The following LRMDA variants were observed in gnomAD, a reference collection of about 807,000 sequenced individuals.
LRMDA encodes leucine-rich melanocyte differentiation-associated protein.
LRMDA carries 18 observed loss-of-function variants against 29.8 expected under a neutral mutation model. That is an observed-to-expected ratio of 0.60 (90% CI 0.42 to 0.90). The LOEUF (loss-of-function observed/expected upper bound fraction) is 0.90. Ranked by LOEUF, LRMDA falls within the 40% of genes least tolerant of loss-of-function variation. LRMDA has a pLI of 0.00. For synonymous variants in LRMDA, 125 were observed against 109.4 expected, an observed-to-expected ratio of 1.14 and a Z score of -0.89; for missense variants, 273 against 273.9, an observed-to-expected ratio of 1.00 and a Z score of 0.02.
intron 2 of LRMDA, among the ~76,000 whole-genome samples, chr10:75,532,065 A>G (rs1441902671): frequency 1.3e-5 from 2 of 151,562 alleles, no homozygotes; most frequent in East Asian, 3.9e-4. Flanking sequence ...AGAAAAAAAA[A>G]AAAAAAAAAA....
At chr10:75,638,070 A>T (rs1240185894) in intron 2 of LRMDA, among the ~76,000 whole-genome samples, 2 of 152,108 alleles carry the variant, frequency 1.3e-5, no homozygotes, top group African/African-American at 2.4e-5. Flanking sequence ...TAACCTTTGA[A>T]ACTATTTTTC....
rs148251474 is a variant in LRMDA at position 75,983,947 on chromosome 10, G to A, written c.132-52061G>A. ...TGGGATTACAGGTGTGAGTTACCAC[G>A]CCCGGCCCCCAGTGTGTTTTTATTT... is the stretch of plus-strand genomic sequence containing the variant. On this transcript the variant is annotated intron_variant, in intron 2 of 6. Coordinates refer to ENST00000611255, the MANE Select transcript of LRMDA (RefSeq NM_001305581.2). Among the ~76,000 whole-genome samples the A allele has an allele frequency of 3.0e-3, 459 of 152,266 alleles. 20 individuals carry two copies. In the East Asian group the frequency reaches 0.066, roughly 22 times the overall value.
chr10:76,363,469 T>C (rs1009728680), intron 6 of LRMDA, among the ~76,000 whole-genome samples: 2 of 152,138 alleles, frequency 1.3e-5, no homozygotes, highest in African/African-American at 4.8e-5. Flanking sequence ...TTTAGCAAGT[T>C]ACGGGATGCA....
intron 2 of LRMDA, among the ~76,000 whole-genome samples, chr10:75,909,746 T>TAAAC (rs1311585975): frequency 6.6e-6 from 1 of 152,212 alleles, no homozygotes; most frequent in African/African-American, 2.4e-5. Context: ...TTATGAGAAT[T>TAAAC]AAACAAGTTA....
At chr10:76,312,822 TA>T (rs1189842808) in intron 5 of LRMDA, among the ~76,000 whole-genome samples, 2 of 151,738 alleles carry the variant, frequency 1.3e-5, no homozygotes, top group African/African-American at 4.8e-5. Context: ...ATATAATGCC[TA>T]TTTAATTATG....
At chr10:75,442,342 C>T (rs1228295084) in intron 2 of LRMDA, among the ~76,000 whole-genome samples, 1 of 152,158 alleles carries the variant, frequency 6.6e-6, no homozygotes, top group East Asian at 1.9e-4. Context: ...ACTATAGCCA[C>T]CATGCTGTAC....
At chr10:76,159,040 A>T (rs1428884120) in intron 5 of LRMDA, among the ~76,000 whole-genome samples, 1 of 152,214 alleles carries the variant, frequency 6.6e-6, no homozygotes, top group Non-Finnish European at 1.5e-5. Context: ...AATATGTACA[A>T]GCTCATATCC....
At chr10:75,498,023 A>T (rs1845067072) in intron 2 of LRMDA, among the ~76,000 whole-genome samples, 2 of 152,152 alleles carry the variant, frequency 1.3e-5, no homozygotes, top group African/African-American at 4.8e-5. Context: ...CACTTCCACC[A>T]ACAAAGTATT....
intron 2 of LRMDA, among the ~76,000 whole-genome samples, chr10:75,651,453 T>A (rs1841598591): frequency 6.6e-6 from 1 of 152,242 alleles, no homozygotes; most frequent in African/African-American, 2.4e-5. Flanking sequence ...AGGCTGCAGC[T>A]GGAAGTCAAT....
chr10:75,609,906 G>A (rs1185409187), intron 2 of LRMDA, among the ~76,000 whole-genome samples: 1 of 152,094 alleles, frequency 6.6e-6, no homozygotes, highest in Non-Finnish European at 1.5e-5. Context: ...GGGAAAGAAT[G>A]CCCAGTCTCC....
At chr10:75,838,568 G>T (rs1389584240) in intron 2 of LRMDA, among the ~76,000 whole-genome samples, 1 of 152,120 alleles carries the variant, frequency 6.6e-6, no homozygotes, top group Admixed American at 6.5e-5. Flanking sequence ...TTTCAGGGAT[G>T]AAAAAGTCAA....
At chr10:75,541,135 G>C (rs145920983) in intron 2 of LRMDA, among the ~76,000 whole-genome samples, 1 of 152,124 alleles carries the variant, frequency 6.6e-6, no homozygotes, top group Non-Finnish European at 1.5e-5. Context: ...CTGGTGGGAC[G>C]GAATTCCCAG....
At chr10:75,515,673 C>A (rs1268946681) in intron 2 of LRMDA, among the ~76,000 whole-genome samples, 1 of 151,964 alleles carries the variant, frequency 6.6e-6, no homozygotes, top group African/African-American at 2.4e-5. Context: ...AGCCACTGTG[C>A]CTGGCCATTA....
chr10:75,640,847 T>A (rs1016984874), intron 2 of LRMDA, among the ~76,000 whole-genome samples: 2 of 152,274 alleles, frequency 1.3e-5, no homozygotes, highest in East Asian at 3.9e-4. Flanking sequence ...CATGCCAGTT[T>A]GGTATTTGAG....
At chr10:75,774,965 G>T (rs956133172) in intron 2 of LRMDA, among the ~76,000 whole-genome samples, 2 of 152,202 alleles carry the variant, frequency 1.3e-5, no homozygotes, top group Non-Finnish European at 1.5e-5. Flanking sequence ...TGGGAGGTGT[G>T]GGGGAGGATC....
chr10:76,427,417 T>C (rs911673751), intron 6 of LRMDA, among the ~76,000 whole-genome samples: 6 of 152,160 alleles, frequency 3.9e-5, no homozygotes, highest in Non-Finnish European at 7.3e-5. Flanking sequence ...CTGTTATTGG[T>C]GTATAAGAAT....
intron 5 of LRMDA, among the ~76,000 whole-genome samples, chr10:76,219,326 G>T (rs946101168): frequency 6.6e-6 from 1 of 152,098 alleles, no homozygotes; most frequent in Non-Finnish European, 1.5e-5. Flanking sequence ...TGGCAAATTG[G>T]ATAAAAATTC....
intron 2 of LRMDA, among the ~76,000 whole-genome samples, chr10:75,981,041 GT>G (rs980145955): frequency 6.6e-6 from 1 of 152,188 alleles, no homozygotes; most frequent in Non-Finnish European, 1.5e-5. Flanking sequence ...ATATTTGTGG[GT>G]TGTTATAAAT....
chr10:75,689,237 C>T (rs915676726), intron 2 of LRMDA, among the ~76,000 whole-genome samples: 19 of 152,348 alleles, frequency 1.2e-4, no homozygotes, highest in South Asian at 2.1e-4. Context: ...TTCCTTCCAA[C>T]GGCACATCGG....
Sources: gnomAD v4.1 joint callset for allele counts (sites outside exome capture counted in the v4.1 genomes callset) on GRCh38, gnomAD v4.1.1 for gene constraint, MANE v1.5 for transcripts, NCBI Gene and HGNC (gene_info 2026-07-23, HGNC 2026-07-21) for gene names.